Variants in DPYSL5 observed in about 807,000 individuals in gnomAD.
DPYSL5 encodes dihydropyrimidinase-related protein 5.
In DPYSL5, 9 loss-of-function variants were observed where a neutral mutation model predicts 58.4. The ratio of observed to expected loss-of-function variants is 0.15; its 90% CI spans 0.09 to 0.27. DPYSL5 has a LOEUF of 0.27. Ranked by LOEUF, DPYSL5 falls within the 10% of genes least tolerant of loss-of-function variation. The pLI is 1.00. For missense variants in DPYSL5, 499 were observed against 770.6 expected, an observed-to-expected ratio of 0.65 and a Z score of 4.17; for synonymous variants, 293 against 301.9, an observed-to-expected ratio of 0.97 and a Z score of 0.31.
At chr2:26,915,415 G>A (rs563112872) in intron 2 of DPYSL5, among the ~76,000 whole-genome samples, 1 of 152,130 alleles carries the variant, frequency 6.6e-6, no homozygotes, top group Non-Finnish European at 1.5e-5. Context: ...CTAACAAACC[G>A]AGTAATGCAA....
intron 1 of DPYSL5, among the ~76,000 whole-genome samples, chr2:26,876,711 T>C (rs1663417699): frequency 2.0e-5 from 3 of 151,896 alleles, no homozygotes; most frequent in Non-Finnish European, 4.4e-5. Context: ...AGACAGGGTT[T>C]CACCCTATTG....
In DPYSL5 at chr2:26,904,439, G is replaced by A. The variant is rs996427208; in HGVS notation, c.261+5679G>A. ...AAATTCTGGCCAAAATTTCTTTCCC[G>A]TCTTTAAGCTCTGCAATGACACTTC... On this transcript the variant is annotated intron_variant, in intron 2 of 12. Transcript: ENST00000288699. Among the ~76,000 whole-genome samples the A allele has an allele frequency of 1.1e-4, 16 of 152,210 alleles. No homozygotes were observed. The Middle Eastern group carries it at 0.01, about 97-fold the overall frequency.
In DPYSL5 at chr2:26,901,474, G is replaced by A. The variant is rs562157085; in HGVS notation, c.261+2714G>A. On this transcript the variant is annotated intron_variant, in intron 2 of 12. Coordinates refer to ENST00000288699, the MANE Select transcript of DPYSL5 (RefSeq NM_020134.4). ...GCTTCCCAGTTTCTGAAAATCTCCC[G>A]CGGAGAGTAAATGCTCTCCTACTGA... is the stretch of plus-strand genomic sequence containing the variant. 1.2e-4 allele frequency among the ~76,000 whole-genome samples: 18 copies of A among 152,088 alleles called. No individual in the cohort carries two copies. In the South Asian group the frequency reaches 2.7e-3, roughly 23 times the overall value.
chr2:26,932,582 T>C (rs1558351940), intron 6 of DPYSL5, among the ~76,000 whole-genome samples: 1 of 152,272 alleles, frequency 6.6e-6, no homozygotes, highest in African/African-American at 2.4e-5. Flanking sequence ...TATCAATTAC[T>C]TCCTGGTGGA....
At chr2:26,915,256 T>C (rs1174025186) in intron 2 of DPYSL5, among the ~76,000 whole-genome samples, 1 of 152,114 alleles carries the variant, frequency 6.6e-6, no homozygotes, top group Non-Finnish European at 1.5e-5. Context: ...TGGTACCCCA[T>C]CCACCCAAGC....
intron 2 of DPYSL5, among the ~76,000 whole-genome samples, chr2:26,912,172 C>T (rs768695792): frequency 1.3e-5 from 2 of 152,214 alleles, no homozygotes; most frequent in Non-Finnish European, 2.9e-5. Flanking sequence ...GAAGGCCCCT[C>T]GGGCAGATCT....
At chr2:26,896,119 G>A (rs1343375508) in intron 1 of DPYSL5, among the ~76,000 whole-genome samples, 8 of 152,002 alleles carry the variant, frequency 5.3e-5, no homozygotes, top group Admixed American at 4.6e-4. Context: ...TAGGTTCCAC[G>A]TAGGAGTGAG....
chr2:26,927,169 C>T lies in DPYSL5; in HGVS notation c.421-84C>T. On this transcript the variant is annotated intron_variant, in intron 3 of 12. Transcript: ENST00000288699. The surrounding 1 kb of genome is among the most constrained non-coding windows in gnomAD (Gnocchi z 4.3). Reference sequence around the variant, plus strand: ...GACTGAGCTGGGGCAGGCCCCACATCTCCCCCATGCTGGGCCGGTGCCTGC... The same window carrying T: ...GACTGAGCTGGGGCAGGCCCCACATTTCCCCCATGCTGGGCCGGTGCCTGC... The T allele has an allele frequency of 7.1e-7, 1 of 1,416,914 alleles. No individual in the cohort carries two copies. The highest frequency in any genetic ancestry group is 9.6e-7 in the Non-Finnish European group (1 of 1,045,838). 87.8% of individuals were successfully genotyped at this position (1,416,914 alleles called of 1,614,324 possible).
chr2:26,849,960 A>G lies in DPYSL5; in HGVS notation c.-5+1706A>G, dbSNP rs1024208213. 4.6e-5 allele frequency among the ~76,000 whole-genome samples: 7 copies of G among 152,090 alleles called. No individual in the cohort carries two copies. Among genetic ancestry groups the G allele is most frequent in the African/African-American group, 1.7e-4 (7 of 41,412 alleles). On this transcript the variant is annotated intron_variant, in intron 1 of 12. Coordinates refer to ENST00000288699, the MANE Select transcript of DPYSL5 (RefSeq NM_020134.4). The surrounding 1 kb of genome is among the most constrained non-coding windows in gnomAD (Gnocchi z 6.2). ...AGACGCGGCGTGGTTAGCGGCGCGG[A>G]GCTGCCGGGCGGCGACGCAGGTGCC...
intron 11 of DPYSL5, among the ~76,000 whole-genome samples, chr2:26,943,001 G>C (rs1253615674): frequency 1.3e-5 from 2 of 152,326 alleles, no homozygotes; most frequent in East Asian, 1.9e-4. Context: ...CTCCTGAGTT[G>C]CTGAGGGCAC....
Position 26,944,042 on chromosome 2 carries a change from G to A in DPYSL5, c.1441-614G>A, listed in dbSNP as rs574974946. Among the ~76,000 whole-genome samples, 9 of 152,190 alleles carry A rather than the reference G, an allele frequency of 5.9e-5. No homozygotes were observed. Among genetic ancestry groups the A allele is most frequent in the East Asian group, 1.9e-4 (1 of 5,174 alleles). On this transcript the variant is annotated intron_variant, in intron 11 of 12. Transcript: ENST00000288699. The surrounding 1 kb of genome is among the most constrained non-coding windows in gnomAD (Gnocchi z 4.4). ...CATGGTGGCTCACGCCTGTAATCCC[G>A]GAACTTTGGGAGGCCGAGGCGGGTG...
intron 2 of DPYSL5, among the ~76,000 whole-genome samples, chr2:26,901,402 A>G (rs997985600): frequency 6.6e-6 from 1 of 151,874 alleles, no homozygotes; most frequent in Non-Finnish European, 1.5e-5. Flanking sequence ...TCCACTCCAC[A>G]CCAAGATTTC....
intron 2 of DPYSL5, among the ~76,000 whole-genome samples, chr2:26,916,169 G>T (rs1207152369): frequency 6.6e-6 from 1 of 152,008 alleles, no homozygotes; most frequent in African/African-American, 2.4e-5. Context: ...TGTCATCAAA[G>T]CTTGCTGCTT....
intron 2 of DPYSL5, among the ~76,000 whole-genome samples, chr2:26,918,670 TC>T (rs1664635273): frequency 6.6e-6 from 1 of 152,188 alleles, no homozygotes; most frequent in Non-Finnish European, 1.5e-5. Context: ...CATCCACTCG[TC>T]ATTTGATTCT....
At chr2:26,896,425 T>G (rs1355715517) in intron 1 of DPYSL5, among the ~76,000 whole-genome samples, 1 of 152,224 alleles carries the variant, frequency 6.6e-6, no homozygotes, top group Non-Finnish European at 1.5e-5. Context: ...CTGGACCATA[T>G]AGTAGTTCTA....
In DPYSL5 at chr2:26,849,835, C is replaced by T. The variant is rs1158006504; in HGVS notation, c.-5+1581C>T. On this transcript the variant is annotated intron_variant, in intron 1 of 12. Coordinates refer to ENST00000288699, the MANE Select transcript of DPYSL5 (RefSeq NM_020134.4). The surrounding 1 kb of genome is among the most constrained non-coding windows in gnomAD (Gnocchi z 6.2). ...CCGGGAATCCCGTGTGGGAGGCGCT[C>T]CCCCGGCCTGGGGGCCTGCAGACAG... Among the ~76,000 whole-genome samples, 14 of 152,206 alleles carry T rather than the reference C, an allele frequency of 9.2e-5. No homozygotes were observed. The highest frequency in any genetic ancestry group is 7.4e-5 in the Non-Finnish European group (5 of 68,026).
chr2:26,888,461 G>GGGGTT (rs1663785423), intron 1 of DPYSL5, among the ~76,000 whole-genome samples: 1 of 151,956 alleles, frequency 6.6e-6, no homozygotes, highest in Admixed American at 6.6e-5. Flanking sequence ...GGTAGGGACG[G>GGGGTT]GGGTTTCACT....
chr2:26,888,523 C>T (rs940788616), intron 1 of DPYSL5, among the ~76,000 whole-genome samples: 2 of 152,140 alleles, frequency 1.3e-5, no homozygotes, highest in African/African-American at 2.4e-5. Flanking sequence ...CCACCCACCT[C>T]GACCTCCCAA....
chr2:26,893,304 G>C (rs891521093), intron 1 of DPYSL5, among the ~76,000 whole-genome samples: 3 of 152,188 alleles, frequency 2.0e-5, no homozygotes, highest in Non-Finnish European at 4.4e-5. Flanking sequence ...ACTGTTTCCA[G>C]GAGAACAGGC....
Sources: allele counts gnomAD v4.1 joint callset (sites outside exome capture counted in the v4.1 genomes callset), GRCh38; gene constraint gnomAD v4.1.1; non-coding constraint Gnocchi (gnomAD v3.1); transcripts MANE v1.5; gene names NCBI Gene and HGNC (gene_info 2026-07-23, HGNC 2026-07-21).